UTRN: variants seen among roughly 807,000 people sequenced by gnomAD.
The protein encoded by UTRN is dystrophin-related protein 1.
UTRN carries 283 observed loss-of-function variants against 463.9 expected under a neutral mutation model. The ratio of observed to expected loss-of-function variants is 0.61; its 90% confidence interval spans 0.55 to 0.67. UTRN has a LOEUF of 0.67. UTRN is among the 30% of genes least tolerant of loss of function. The probability of loss-of-function intolerance (pLI) is 0.00; values close to 1 mark genes in which losing one functional copy is unlikely to be tolerated. For synonymous variants in UTRN, 1,442 were observed against 1,431.5 expected, an observed-to-expected ratio of 1.01 and a Z score of -0.17; for missense variants, 3,922 against 4,084.3, an observed-to-expected ratio of 0.96 and a Z score of 1.08.
intron 54 of UTRN, among the ~76,000 whole-genome samples, chr6:144,731,898 A>G (rs977817858): frequency 6.6e-6 from 1 of 151,602 alleles, no homozygotes; most frequent in Non-Finnish European, 1.5e-5. Context: ...GTCTCACTCT[A>G]CCACCTAGGC....
chr6:144,312,743 A>C lies in UTRN; in HGVS notation c.79+20836A>C, dbSNP rs190576876. Among the ~76,000 whole-genome samples the C allele has an allele frequency of 2.3e-3, 350 of 152,300 alleles. 2 individuals carry two copies. Among genetic ancestry groups the C allele is most frequent in the African/African-American group, 7.6e-3 (314 of 41,556 alleles). ...TATATATTTGATATGATTTTCTGGT[A>C]GAATTCTTGAAAAAATAACTGCATC... On this transcript the variant is annotated intron_variant, in intron 2 of 74. Transcript: ENST00000367545.
At chr6:144,812,849 TTGG>T (rs151114286) in intron 65 of UTRN, among the ~76,000 whole-genome samples, 2,703 of 152,118 alleles carry the variant, frequency 0.018, 67 homozygotes, top group African/African-American at 0.059. Flanking sequence ...TTTATATTAG[TTGG>T]TGGGGAACAA....
chr6:144,823,336 T>C (rs1779764180), intron 66 of UTRN, among the ~76,000 whole-genome samples: 1 of 152,178 alleles, frequency 6.6e-6, no homozygotes, highest in African/African-American at 2.4e-5. Flanking sequence ...ACTTTTCGGC[T>C]GAGCCCTTTC....
At chr6:144,821,335 A>G (rs369811664) in intron 66 of UTRN, among the ~76,000 whole-genome samples, 6 of 152,082 alleles carry the variant, frequency 3.9e-5, no homozygotes, top group South Asian at 2.1e-4. Flanking sequence ...GTGGCATTAT[A>G]TAGTCTTTCA....
In UTRN at chr6:144,663,921, T is replaced by G. The variant is rs1296035591; in HGVS notation, c.7480-14485T>G. The stretch of plus-strand genomic sequence containing the variant: ...TAAACACATTTCAAAGTCTCCTCAT[T>G]TATTCCCTACTTAGCAAATATTTGT... On this transcript the variant is annotated intron_variant, in intron 51 of 74. Transcript: ENST00000367545. Among the ~76,000 whole-genome samples, 3 of 152,198 alleles carry G rather than the reference T, an allele frequency of 2.0e-5. No homozygotes were observed. The East Asian group carries it at 5.8e-4, about 29-fold the overall frequency.
chr6:144,381,530 G>A (rs562588655), intron 2 of UTRN, among the ~76,000 whole-genome samples: 269 of 152,274 alleles, frequency 1.8e-3, no homozygotes, highest in Non-Finnish European at 3.0e-3. Flanking sequence ...GCTTGTCTGT[G>A]TCTCCACCCA....
At chr6:144,313,351 T>C (rs1191842288) in intron 2 of UTRN, among the ~76,000 whole-genome samples, 1 of 142,914 alleles carries the variant, frequency 7.0e-6, no homozygotes, top group South Asian at 2.2e-4. Context: ...AGGTTTCTGA[T>C]ACTGAAAAAA....
At chr6:144,357,589 T>C (rs1278908843) in intron 2 of UTRN, among the ~76,000 whole-genome samples, 1 of 152,238 alleles carries the variant, frequency 6.6e-6, no homozygotes, top group Non-Finnish European at 1.5e-5. Flanking sequence ...GATTTTGTTT[T>C]TTCATCCTCA....
rs779859264 is a variant in UTRN at position 144,757,933 on chromosome 6, A to C, written c.8439A>C (p.Ser2813=). Residue 2813 remains serine, a synonymous_variant, in exon 58 of 75, where the codon TCA becomes TCC. Coordinates refer to ENST00000367545, the MANE Select transcript of UTRN (RefSeq NM_007124.3). ...AATCTCCCTTTGTTTCCTCAGCGTC[A>C]GTCCAGCTGCCGTGGCAAAGATCCA... ...GPSSQHFLST[S]VQLPWQRSIS... 2 of 1,609,770 alleles carry C rather than the reference A, an allele frequency of 1.2e-6. No individual in the cohort carries two copies. The highest frequency in any genetic ancestry group is 2.7e-5 in the African/African-American group (2 of 74,832).
intron 2 of UTRN, among the ~76,000 whole-genome samples, chr6:144,367,077 G>A (rs1267623221): frequency 2.0e-5 from 3 of 151,886 alleles, no homozygotes; most frequent in East Asian, 1.9e-4. Context: ...TCCATCTCCC[G>A]GGTTCAAGTG....
intron 19 of UTRN, among the ~76,000 whole-genome samples, chr6:144,455,432 T>C (rs887756540): frequency 1.3e-5 from 2 of 152,196 alleles, no homozygotes; most frequent in African/African-American, 4.8e-5. Context: ...GCATTGGATG[T>C]TGAATTTATT....
chr6:144,656,228 G>A (rs139889421), intron 51 of UTRN, among the ~76,000 whole-genome samples: 1 of 152,266 alleles, frequency 6.6e-6, no homozygotes, highest in Non-Finnish European at 1.5e-5. Context: ...TACTTCAAAT[G>A]TCATCATCTA....
At chr6:144,549,427 A>G (rs1385092917) in intron 47 of UTRN, among the ~76,000 whole-genome samples, 1 of 152,256 alleles carries the variant, frequency 6.6e-6, no homozygotes, top group Non-Finnish European at 1.5e-5. Flanking sequence ...AAATTTTATT[A>G]AGTGCTTCAT....
chr6:144,315,345 C>G (rs1775213642), intron 2 of UTRN, among the ~76,000 whole-genome samples: 1 of 152,082 alleles, frequency 6.6e-6, no homozygotes, highest in African/African-American at 2.4e-5. Context: ...TCAGTCAGGG[C>G]ACTGTTCCAG....
chr6:144,539,376 GTC>G lies in UTRN; in HGVS notation c.6454_6455del (p.Leu2152GlufsTer4). 1 of 1,613,370 alleles carries G rather than the reference GTC, an allele frequency of 6.2e-7. No individual in the cohort carries two copies. The highest frequency in any genetic ancestry group is 8.5e-7 in the Non-Finnish European group (1 of 1,179,662). ...GAATTGGAGATGCTTTCAGATAAAA[GTC>G]TGAGTTTACCTGAAAGGGATAAAAT... On this transcript the variant is annotated frameshift_variant, in exon 45 of 75. Transcript: ENST00000367545. LOFTEE classifies it high-confidence loss of function.
At chr6:144,657,186 G>T (rs528826247) in intron 51 of UTRN, among the ~76,000 whole-genome samples, 2 of 148,766 alleles carry the variant, frequency 1.3e-5, no homozygotes, top group South Asian at 4.2e-4. Flanking sequence ...GGAGGTGGAG[G>T]TTGCGCTGAG....
At chr6:144,352,652 G>T (rs1352514810) in intron 2 of UTRN, among the ~76,000 whole-genome samples, 5 of 152,130 alleles carry the variant, frequency 3.3e-5, no homozygotes, top group African/African-American at 1.2e-4. Context: ...CCTTGAGATT[G>T]CATTCTGTAT....
rs185635826 is a variant in UTRN, at chr6:144,437,745, C to T, written c.1240C>T (p.Arg414Trp). ...GGTGGAGAGTATGGACAGACAGTCC[C>T]GGTGAGTGGAAAGCCAAGAAATGCA... ...LRVESMDRQS[R>W]LHDVLMELQK... Residue 414 changes from arginine to tryptophan, a missense_variant and splice_region_variant, in exon 11 of 75, where the codon CGG becomes TGG. Arg to Trp is a moderately radical substitution (Grantham distance 101). Transcript: ENST00000367545. The T allele has an allele frequency of 3.3e-5, 53 of 1,608,216 alleles. No individual in the cohort carries two copies. In the African/African-American group the frequency reaches 5.0e-4, roughly 15 times the overall value.
chr6:144,429,027 G>C (rs1021311981), intron 8 of UTRN, 134 bp downstream of exon 8: 1 of 563,262 alleles, frequency 1.8e-6, no homozygotes, highest in Non-Finnish European at 3.0e-6. Flanking sequence ...GTATAGGTGC[G>C]AGTCATTTTA....
Sources: allele counts gnomAD v4.1 joint callset (sites outside exome capture counted in the v4.1 genomes callset), GRCh38; gene constraint gnomAD v4.1.1; transcripts MANE v1.5; gene names NCBI Gene and HGNC (gene_info 2026-07-23, HGNC 2026-07-21).